OXR1: variants seen among roughly 807,000 people sequenced by gnomAD.
OXR1 encodes the protein oxidation resistance protein 1.
In OXR1, 41 loss-of-function variants were observed where a neutral mutation model predicts 104.6. That is an observed-to-expected ratio of 0.39 (90% CI 0.31 to 0.51). OXR1 has a LOEUF of 0.51. Ranked by LOEUF, OXR1 falls within the 20% of genes least tolerant of loss-of-function variation. The pLI is 0.77. For missense variants in OXR1, 955 were observed against 1,031.9 expected (o/e 0.93, Z 1.02); for synonymous variants, 348 against 348.4 (o/e 1.00, Z 0.01).
intron 16 of OXR1, among the ~76,000 whole-genome samples, chr8:106,749,628 C>G (rs756258798): frequency 2.6e-5 from 4 of 152,052 alleles, no homozygotes; most frequent in Non-Finnish European, 4.4e-5. Context: ...TTTTTTCTTT[C>G]AATGAAATAT....
chr8:106,626,439 T>G (rs1180595802), intron 3 of OXR1, among the ~76,000 whole-genome samples: 1 of 151,870 alleles, frequency 6.6e-6, no homozygotes, highest in East Asian at 1.9e-4. Context: ...TGAAGTTTGG[T>G]GTCTTTTCCC....
At chr8:106,382,403 G>T (rs750083556) in intron 2 of OXR1, among the ~76,000 whole-genome samples, 3 of 152,092 alleles carry the variant, frequency 2.0e-5, no homozygotes, top group Non-Finnish European at 2.9e-5. Context: ...GATTTCTTCA[G>T]CTGACCACAA....
At chr8:106,405,428 GTGAAAGGTGAATTTGAAACTTGTC>G (rs1340490858) in intron 2 of OXR1, among the ~76,000 whole-genome samples, 56 of 151,998 alleles carry the variant, frequency 3.7e-4, no homozygotes, top group African/African-American at 1.3e-3. Context: ...TATCTCTTCT[GTGAAAGGTGAATTTGAAACTTGTC>G]CCATCAAGAA....
intron 3 of OXR1, among the ~76,000 whole-genome samples, chr8:106,670,668 G>A (rs951742140): frequency 6.6e-6 from 1 of 152,126 alleles, no homozygotes; most frequent in Admixed American, 6.5e-5. Context: ...GCAGAGGAAA[G>A]AATTCCCTAA....
chr8:106,304,032 A>G (rs1426140550), intron 1 of OXR1, among the ~76,000 whole-genome samples: 4 of 152,168 alleles, frequency 2.6e-5, no homozygotes, highest in African/African-American at 9.7e-5. Context: ...AATTCATTCA[A>G]TCAAGTCTTT....
chr8:106,642,919 T>A (rs1273991135), intron 3 of OXR1, among the ~76,000 whole-genome samples: 1 of 152,218 alleles, frequency 6.6e-6, no homozygotes, highest in Non-Finnish European at 1.5e-5. Flanking sequence ...GCATTGTTGA[T>A]AAATGAGTTC....
intron 2 of OXR1, among the ~76,000 whole-genome samples, chr8:106,431,663 G>A (rs1819365640): frequency 6.6e-6 from 1 of 152,000 alleles, no homozygotes; most frequent in Non-Finnish European, 1.5e-5. Flanking sequence ...TTTGCTCTTT[G>A]CAGCTTTAAC....
chr8:106,524,993 G>A (rs1813548917), intron 3 of OXR1, among the ~76,000 whole-genome samples: 1 of 152,182 alleles, frequency 6.6e-6, no homozygotes, highest in Non-Finnish European at 1.5e-5. Flanking sequence ...GTGTTGGCAT[G>A]TCTGTCTCCA....
rs191619170 is a variant in OXR1, at chr8:106,479,044, G to A, written c.24-39899G>A. Reference sequence around the variant, plus strand: ...ATACTATAGCAATTCAATACCCAGAGGAGAAAAAGTGTGACTTCCTCAGAG... The same window carrying A: ...ATACTATAGCAATTCAATACCCAGAAGAGAAAAAGTGTGACTTCCTCAGAG... On this transcript the variant is annotated intron_variant, in intron 2 of 16. Transcript: ENST00000517566. Among the ~76,000 whole-genome samples the A allele has an allele frequency of 2.5e-3, 382 of 151,930 alleles. 5 individuals carry two copies. Among genetic ancestry groups the A allele is most frequent in the African/African-American group, 8.7e-3 (362 of 41,498 alleles).
intron 2 of OXR1, among the ~76,000 whole-genome samples, chr8:106,490,153 G>T (rs1485561931): frequency 6.6e-6 from 1 of 152,118 alleles, no homozygotes; most frequent in Non-Finnish European, 1.5e-5. Flanking sequence ...CCACCAGCCA[G>T]CAGTGTTCTG....
intron 3 of OXR1, among the ~76,000 whole-genome samples, chr8:106,639,580 T>C (rs1278436517): frequency 6.6e-6 from 1 of 152,156 alleles, no homozygotes; most frequent in Non-Finnish European, 1.5e-5. Context: ...AGAGCCTTTG[T>C]AGTGCCTAAA....
intron 2 of OXR1, among the ~76,000 whole-genome samples, chr8:106,362,834 T>G (rs1816301932): frequency 6.6e-6 from 1 of 152,180 alleles, no homozygotes; most frequent in Admixed American, 6.6e-5. Context: ...GGTCAGCATA[T>G]GTACAGTAAC....
chr8:106,293,965 A>ATTTTTT (rs61559960), intron 1 of OXR1, among the ~76,000 whole-genome samples: 4,958 of 123,550 alleles, frequency 0.04, 153 homozygotes, highest in African/African-American at 0.11. Flanking sequence ...TGACAGTTTA[A>ATTTTTT]TTTTTTTTTT....
chr8:106,698,757 G>A (rs973223240), intron 7 of OXR1, among the ~76,000 whole-genome samples: 4 of 151,752 alleles, frequency 2.6e-5, no homozygotes, highest in African/African-American at 9.7e-5. Context: ...TCCATACTGT[G>A]TATAATCTTC....
chr8:106,592,688 C>T (rs1017237380), intron 3 of OXR1, among the ~76,000 whole-genome samples: 1 of 152,118 alleles, frequency 6.6e-6, no homozygotes, highest in African/African-American at 2.4e-5. Context: ...CAAACAAAAA[C>T]CATCCCATAT....
intron 2 of OXR1, among the ~76,000 whole-genome samples, chr8:106,388,097 C>T (rs530167490): frequency 6.6e-6 from 1 of 152,122 alleles, no homozygotes; most frequent in Admixed American, 6.5e-5. Flanking sequence ...CAGGCCATAA[C>T]AAATTAGAAG....
intron 2 of OXR1, among the ~76,000 whole-genome samples, chr8:106,428,243 C>T (rs1819213490): frequency 6.6e-6 from 1 of 152,168 alleles, no homozygotes; most frequent in African/African-American, 2.4e-5. Flanking sequence ...TGACATTTGA[C>T]TTTCATCCTC....
intron 1 of OXR1, among the ~76,000 whole-genome samples, chr8:106,334,148 T>C (rs1814853239): frequency 6.6e-6 from 1 of 152,248 alleles, no homozygotes; most frequent in African/African-American, 2.4e-5. Flanking sequence ...AACAATGTTT[T>C]ATAGTTTTCA....
intron 3 of OXR1, among the ~76,000 whole-genome samples, chr8:106,603,873 T>TG (rs1374911751): frequency 1.3e-5 from 2 of 151,806 alleles, no homozygotes; most frequent in Non-Finnish European, 2.9e-5. Flanking sequence ...GCCAACATGG[T>TG]GAAACCCCCT....
Sources: allele counts gnomAD v4.1 joint callset (sites outside exome capture counted in the v4.1 genomes callset), GRCh38; gene constraint gnomAD v4.1.1; transcripts MANE v1.5; gene names NCBI Gene and HGNC (gene_info 2026-07-23, HGNC 2026-07-21).